ATXN2: variants seen among roughly 807,000 people sequenced by gnomAD.
The protein encoded by ATXN2 is ataxin-2.
A neutral mutation model predicts 138.6 loss-of-function variants in ATXN2; 37 were observed. The ratio of observed to expected loss-of-function variants is 0.27; its 90% CI spans 0.21 to 0.35. The LOEUF (loss-of-function observed/expected upper bound fraction) is 0.35. ATXN2 is among the 10% of genes least tolerant of loss of function. The pLI, the probability that ATXN2 is intolerant of heterozygous loss-of-function variation, is 1.00. For synonymous variants in ATXN2, 549 were observed against 543.7 expected, an observed-to-expected ratio of 1.01 and a Z score of -0.13; for missense variants, 1,216 against 1,480.3, an observed-to-expected ratio of 0.82 and a Z score of 2.93.
At chr12:111,464,797 A>C in intron 20 of ATXN2, 82 bp from the exon 21 acceptor site, 1 of 1,095,084 alleles carries the variant, frequency 9.1e-7, no homozygotes, top group African/African-American at 1.6e-5. Flanking sequence ...ACATATTAGT[A>C]ATTTCTTTTT....
At chr12:111,535,658 T>C (rs1378665506) in intron 5 of ATXN2, among the ~76,000 whole-genome samples, 3 of 151,344 alleles carry the variant, frequency 2.0e-5, no homozygotes, top group Non-Finnish European at 4.4e-5. Flanking sequence ...AAGTTGGTGA[T>C]GTCTAACACA....
At chr12:111,469,972 G>T (rs1365710944) in intron 20 of ATXN2, 136 bp downstream of exon 20, 33 of 1,037,624 alleles carry the variant, frequency 3.2e-5, no homozygotes, top group African/African-American at 6.4e-5. Flanking sequence ...GCAAAGAAAT[G>T]GGTTCATCTT....
intron 14 of ATXN2, among the ~76,000 whole-genome samples, chr12:111,492,744 C>T (rs140532945): frequency 1.4e-3 from 212 of 151,082 alleles, no homozygotes; most frequent in Non-Finnish European, 2.3e-3. Context: ...GAACAGAATA[C>T]CCAACTCTTC....
upstream of ATXN2, chr12:111,599,403 T>G: frequency 3.4e-6 from 4 of 1,168,538 alleles, no homozygotes; most frequent in Non-Finnish European, 4.2e-6. Context: ...CCCCGCCCGC[T>G]CCGCCGCGCC....
intron 1 of ATXN2, among the ~76,000 whole-genome samples, chr12:111,563,153 T>C (rs1390440085): frequency 2.6e-5 from 4 of 152,136 alleles, no homozygotes; most frequent in Non-Finnish European, 5.9e-5. Context: ...ACCTGTAATC[T>C]TCAAAAGTGT....
chr12:111,507,616 AG>A (rs1879240375), intron 14 of ATXN2, among the ~76,000 whole-genome samples: 1 of 147,628 alleles, frequency 6.8e-6, no homozygotes. Context: ...CCTTCTGGGA[AG>A]TGAGGAGCCC....
chr12:111,547,911 G>A (rs1044948517), intron 5 of ATXN2, among the ~76,000 whole-genome samples: 5 of 141,608 alleles, frequency 3.5e-5, no homozygotes, highest in African/African-American at 1.4e-4. Context: ...GGAACTTACT[G>A]GCTGGGCACA....
chr12:111,571,629 T>C (rs535063702), intron 1 of ATXN2, among the ~76,000 whole-genome samples: 1 of 152,210 alleles, frequency 6.6e-6, no homozygotes, highest in African/African-American at 2.4e-5. Flanking sequence ...ATGGGAAACA[T>C]GATCAGAAAG....
intron 18 of ATXN2, among the ~76,000 whole-genome samples, chr12:111,472,283 G>T (rs908630411): frequency 6.6e-6 from 1 of 152,056 alleles, no homozygotes; most frequent in African/African-American, 2.4e-5. Flanking sequence ...GGGGAGGGTA[G>T]GGGACAGGAG....
chr12:111,471,008 C>T (rs373814777), intron 18 of ATXN2: 1 of 444,426 alleles, frequency 2.3e-6, no homozygotes. Context: ...CTCAGAGGGA[C>T]TTTCTCTCAT....
chr12:111,598,961 TGC>T lies in ATXN2; in HGVS notation c.72_73del (p.Gln25AlafsTer64). 1.3e-6 allele frequency: 2 copies of T among 1,500,822 alleles called. No homozygotes were observed. The highest frequency in any genetic ancestry group is 1.8e-6 in the Non-Finnish European group (2 of 1,128,264). The allele number at this position is 1,500,822 out of a possible 1,614,324, so 93.0% of individuals were successfully genotyped here. A position where few individuals can be genotyped will look rare whatever the true frequency, so the allele number is the denominator to read the frequency against. On this transcript the variant is annotated frameshift_variant, in exon 1 of 25. Transcript: ENST00000673436. LOFTEE classifies it high-confidence loss of function. The surrounding 1 kb of genome is among the most constrained non-coding windows in gnomAD (Gnocchi z 4.5). ...AGCCGCGGGCGGCGGCTGCTGCTGC[TGC>T]TGCTGCTGCTGCTGTTGCTGCTGCT...
intron 1 of ATXN2, among the ~76,000 whole-genome samples, chr12:111,596,205 AACACACACACACACACAC>A (rs35316415): frequency 7.2e-4 from 102 of 141,850 alleles, no homozygotes; most frequent in African/African-American, 2.3e-3. Context: ...TTCCATCCAA[AACACACACACACACACAC>A]ACACACACAC....
intron 1 of ATXN2, among the ~76,000 whole-genome samples, chr12:111,588,056 G>A (rs553898839): frequency 6.6e-6 from 1 of 152,038 alleles, no homozygotes; most frequent in South Asian, 2.1e-4. Context: ...GCACTGTGGG[G>A]CGCACCAGTA....
At chr12:111,577,233 A>G (rs1883716667) in intron 1 of ATXN2, among the ~76,000 whole-genome samples, 1 of 152,022 alleles carries the variant, frequency 6.6e-6, no homozygotes, top group African/African-American at 2.4e-5. Context: ...GATCGCAAAT[A>G]AACACATGCA....
At chr12:111,508,031 G>C (rs11830520) in intron 14 of ATXN2, among the ~76,000 whole-genome samples, 2 of 152,110 alleles carry the variant, frequency 1.3e-5, no homozygotes, top group African/African-American at 2.4e-5. Context: ...GCGGAAGGCC[G>C]CAGGGTCCTC....
At chr12:111,492,759 C>T (rs1291047070) in intron 14 of ATXN2, among the ~76,000 whole-genome samples, 2 of 151,674 alleles carry the variant, frequency 1.3e-5, no homozygotes, top group East Asian at 1.9e-4. Flanking sequence ...CTCTTCAATG[C>T]CCAGACACTG....
intron 1 of ATXN2, among the ~76,000 whole-genome samples, chr12:111,597,536 G>A (rs1884997961): frequency 6.6e-6 from 1 of 152,134 alleles, no homozygotes; most frequent in Non-Finnish European, 1.5e-5. Context: ...CGGCCACAAT[G>A]GAATGGAGTC....
At chr12:111,473,183 G>A (rs917496462) in intron 18 of ATXN2, among the ~76,000 whole-genome samples, 3 of 151,718 alleles carry the variant, frequency 2.0e-5, no homozygotes, top group African/African-American at 7.3e-5. Flanking sequence ...CTGAGGTGGG[G>A]GGATTGCCTT....
intron 5 of ATXN2, among the ~76,000 whole-genome samples, chr12:111,549,916 GC>G (rs1211637300): frequency 6.6e-6 from 1 of 151,960 alleles, no homozygotes; most frequent in African/African-American, 2.4e-5. Context: ...ACAAAAATTA[GC>G]CGGGCATGGT....
Sources: gnomAD v4.1 joint callset for allele counts (sites outside exome capture counted in the v4.1 genomes callset) on GRCh38, gnomAD v4.1.1 for gene constraint, Gnocchi (gnomAD v3.1) non-coding constraint, MANE v1.5 for transcripts, NCBI Gene and HGNC (gene_info 2026-07-23, HGNC 2026-07-21) for gene names.